The following RTL9 variants were observed in gnomAD, a reference collection of about 807,000 sequenced individuals.
RTL9 encodes retrotransposon Gag-like protein 9.
In RTL9, 19 loss-of-function variants were observed where a neutral mutation model predicts 44.7. That is an observed-to-expected ratio of 0.42 (90% CI 0.30 to 0.62). The LOEUF (loss-of-function observed/expected upper bound fraction) is 0.62, where lower values mean the gene tolerates loss of function less well. RTL9 is among the 20% of genes least tolerant of loss of function. The pLI, the probability that RTL9 is intolerant of heterozygous loss-of-function variation, is 0.16. For missense variants in RTL9, 1,105 were observed against 1,080.6 expected (o/e 1.02, Z -0.32); for synonymous variants, 407 against 398.9 (o/e 1.02, Z -0.24).
chrX:110,405,117 C>A (rs1167676110), intron 1 of RTL9, among the ~76,000 whole-genome samples: 6 of 94,555 alleles, frequency 6.3e-5, no homozygotes, highest in Non-Finnish European at 1.0e-4. Flanking sequence ...TGAGTCAGAG[C>A]CTTTCATGGG....
chrX:110,443,476 A>G (rs1217264745), intron 1 of RTL9, among the ~76,000 whole-genome samples: 1 of 112,213 alleles, frequency 8.9e-6, no homozygotes, highest in Non-Finnish European at 1.9e-5. Context: ...AGGGTATGGC[A>G]AGTACTGTGT....
chrX:110,417,990 AG>A (rs2068690076), upstream of RTL9, among the ~76,000 whole-genome samples: 2 of 112,735 alleles, frequency 1.8e-5, no homozygotes, highest in Admixed American at 1.9e-4. Flanking sequence ...TGCCTGCAAA[AG>A]CTTCATGCCA....
At chrX:110,387,652 G>A (rs761915809) in intron 1 of RTL9, among the ~76,000 whole-genome samples, 6 of 111,708 alleles carry the variant, frequency 5.4e-5, no homozygotes, top group Non-Finnish European at 1.1e-4. Context: ...AACCCACAGA[G>A]AATTTGACTT....
chrX:110,430,730 G>C (rs777115359), intron 1 of RTL9, among the ~76,000 whole-genome samples: 2 of 112,542 alleles, frequency 1.8e-5, no homozygotes, highest in South Asian at 7.4e-4. Context: ...GGAGGAGTTT[G>C]AAAGCAGGAA....
At chrX:110,377,586 A>G (rs185114478) in intron 1 of RTL9, among the ~76,000 whole-genome samples, 2 of 112,046 alleles carry the variant, frequency 1.8e-5, no homozygotes, top group Admixed American at 1.9e-4. Flanking sequence ...GTATTTTCTT[A>G]CTCAGGACTG....
chrX:110,451,677 C>T, exon 1 of RTL9: 6 of 1,211,642 alleles, frequency 5.0e-6, no homozygotes, highest in Non-Finnish European at 6.7e-6. Flanking sequence ...AATGACGGCC[C>T]TACCCTCTGG....
rs754254608 is a variant in RTL9, at chrX:110,451,842, G to A, written c.1225G>A (p.Gly409Arg). The change falls in exon 1 of 2, where the codon GGA (glycine) becomes AGA (arginine). Residue 409 changes from glycine (G) to arginine (R), a missense_variant. Gly to Arg is a moderately radical substitution (Grantham distance 125). Transcript: ENST00000540313. Reference sequence around the variant, plus strand: ...ACCACCAGTAAGAGCTTTAGATTCTGGAGCAATGTCCACACCGCTAATGGG... The same window carrying A: ...ACCACCAGTAAGAGCTTTAGATTCTAGAGCAATGTCCACACCGCTAATGGG... 3.3e-6 allele frequency: 4 copies of A among 1,212,011 alleles called. No homozygotes were observed. In the South Asian group the frequency reaches 5.3e-5, roughly 16 times the overall value.
intron 1 of RTL9, among the ~76,000 whole-genome samples, chrX:110,395,475 C>T (rs2068522382): frequency 9.0e-6 from 1 of 111,670 alleles, no homozygotes; most frequent in Non-Finnish European, 1.9e-5. Context: ...CTTGGTAATC[C>T]TCATGTAATC....
chrX:110,428,730 A>C (rs1278578010), intron 1 of RTL9, among the ~76,000 whole-genome samples: 1 of 111,290 alleles, frequency 9.0e-6, no homozygotes, highest in African/African-American at 3.3e-5. Flanking sequence ...CTTCCTTCCC[A>C]AGAGTGGTCT....
chrX:110,422,338 G>T (rs1248431700), intron 1 of RTL9, among the ~76,000 whole-genome samples: 3 of 112,791 alleles, frequency 2.7e-5, no homozygotes, highest in Non-Finnish European at 3.7e-5. Flanking sequence ...GTGCCACTCA[G>T]TGTAACCACA....
At chrX:110,442,698 T>C (rs2068889412) in intron 1 of RTL9, among the ~76,000 whole-genome samples, 1 of 111,757 alleles carries the variant, frequency 8.9e-6, no homozygotes, top group Non-Finnish European at 1.9e-5. Context: ...CTCAGAATTC[T>C]TGCCACACCC....
At chrX:110,431,892 G>A (rs1239303975) in intron 1 of RTL9, among the ~76,000 whole-genome samples, 5 of 111,835 alleles carry the variant, frequency 4.5e-5, no homozygotes, top group African/African-American at 1.6e-4. Flanking sequence ...GGAGTTAGAA[G>A]CATATTAGGT....
At chrX:110,430,464 A>G (rs750806289) in intron 1 of RTL9, among the ~76,000 whole-genome samples, 51 of 112,346 alleles carry the variant, frequency 4.5e-4, no homozygotes, top group African/African-American at 1.5e-3. Flanking sequence ...CAGGCTGAAT[A>G]ACTTGGCCAA....
exon 1 of RTL9, chrX:110,452,969 C>T (rs1453999031): frequency 3.3e-6 from 4 of 1,211,409 alleles, no homozygotes; most frequent in South Asian, 1.8e-5. Context: ...CCTCACTGCT[C>T]ACAAGAGCTT....
chrX:110,415,465 A>G (rs192481891), upstream of RTL9, among the ~76,000 whole-genome samples: 38 of 110,901 alleles, frequency 3.4e-4, no homozygotes, highest in East Asian at 9.9e-3. Context: ...CTGCTTTTGG[A>G]TTGTTTTGGC....
rs1296736802 is a variant in RTL9 at position 110,442,245 on chromosome X, CTCTG to C, written c.-167-2906_-167-2903del. ...TTTCTCTCTCTCTCTCTCTCTCTCT[CTCTG>C]TGTGTGTGTGTGTGTGTGTGTGTGT... On this transcript the variant is annotated intron_variant, in intron 1 of 3. Coordinates refer to the RTL9 transcript ENST00000465301. Among the ~76,000 whole-genome samples the C allele has an allele frequency of 2.7e-4, 27 of 100,779 alleles. 1 individual carries two copies. The highest frequency in any genetic ancestry group is 8.4e-4 in the African/African-American group (22 of 26,275). 87.5% of individuals were successfully genotyped at this position (100,779 alleles called of 115,157 possible). A position where few individuals can be genotyped will look rare whatever the true frequency, so the allele number is the denominator to read the frequency against.
intron 1 of RTL9, among the ~76,000 whole-genome samples, chrX:110,422,672 A>G (rs927472870): frequency 2.7e-5 from 3 of 112,394 alleles, no homozygotes; most frequent in African/African-American, 9.7e-5. Context: ...AAAAATGACA[A>G]CCTTGTTGGG....
At chrX:110,453,433 C>A in exon 1 of RTL9, 1 of 1,211,547 alleles carries the variant, frequency 8.3e-7, no homozygotes, top group Non-Finnish European at 1.1e-6. Context: ...ATGTCCACTG[C>A]ACAAACAACA....
chrX:110,376,423 C>A (rs1194525596), intron 1 of RTL9, among the ~76,000 whole-genome samples: 2 of 111,454 alleles, frequency 1.8e-5, no homozygotes, highest in Admixed American at 9.5e-5. Context: ...ACCAGATGGC[C>A]TTAATCTGAG....
Sources: allele counts gnomAD v4.1 joint callset (sites outside exome capture counted in the v4.1 genomes callset), GRCh38; gene constraint gnomAD v4.1.1; transcripts MANE v1.5; gene names NCBI Gene and HGNC (gene_info 2026-07-23, HGNC 2026-07-21).